Variants in CTNNA3 observed in about 807,000 individuals in gnomAD.
CTNNA3 encodes catenin alpha-3.
A neutral mutation model predicts 95.7 loss-of-function variants in CTNNA3; 76 were observed. The observed-to-expected ratio is 0.79, with a 90% CI of 0.66 to 0.96. The LOEUF (loss-of-function observed/expected upper bound fraction) is 0.96, where lower values mean the gene tolerates loss of function less well. CTNNA3 is among the 40% of genes least tolerant of loss of function. The pLI is 0.00. For missense variants in CTNNA3, 1,191 were observed against 1,089.8 expected (o/e 1.09, Z -1.31); for synonymous variants, 431 against 374.4 (o/e 1.15, Z -1.74).
At chr10:66,896,050 T>C (rs1845476836) in intron 7 of CTNNA3, among the ~76,000 whole-genome samples, 1 of 152,032 alleles carries the variant, frequency 6.6e-6, no homozygotes, top group South Asian at 2.1e-4. Context: ...TGAGCCGAGA[T>C]TGCGCCATTG....
intron 5 of CTNNA3, among the ~76,000 whole-genome samples, chr10:67,474,544 G>A (rs1847935464): frequency 6.6e-6 from 1 of 152,046 alleles, no homozygotes; most frequent in Non-Finnish European, 1.5e-5. Flanking sequence ...AAGCCACCCA[G>A]TCTGAGTTCT....
chr10:67,496,447 TA>T (rs35772958), intron 5 of CTNNA3, among the ~76,000 whole-genome samples: 10,956 of 152,150 alleles, frequency 0.072, 480 homozygotes, highest in South Asian at 0.14. Flanking sequence ...CTTGCCTTTT[TA>T]AAAAAAATCC....
At chr10:66,436,878 A>T (rs11497934) in intron 11 of CTNNA3, among the ~76,000 whole-genome samples, 2 of 151,958 alleles carry the variant, frequency 1.3e-5, no homozygotes, top group Non-Finnish European at 2.9e-5. Context: ...TGTAAGGCAG[A>T]CCTGGTGGTG....
At chr10:66,926,204 C>A in intron 7 of CTNNA3, 1 of 449,366 alleles carries the variant, frequency 2.2e-6, no homozygotes, top group Non-Finnish European at 4.4e-6. Context: ...TCAGGTAGCC[C>A]CAAATTGCCT....
chr10:66,758,589 A>G (rs1352289209), intron 9 of CTNNA3, among the ~76,000 whole-genome samples: 1 of 152,118 alleles, frequency 6.6e-6, no homozygotes, highest in Non-Finnish European at 1.5e-5. Flanking sequence ...TTGGAGGTCA[A>G]TCTGGGGAAG....
At chr10:66,723,999 G>C (rs1264857174) in intron 9 of CTNNA3, among the ~76,000 whole-genome samples, 2 of 152,114 alleles carry the variant, frequency 1.3e-5, no homozygotes, top group East Asian at 3.9e-4. Flanking sequence ...GGCCTGAACA[G>C]AGGAAGTGGA....
intron 17 of CTNNA3, among the ~76,000 whole-genome samples, chr10:65,955,519 A>G (rs549673655): frequency 4.6e-5 from 7 of 152,170 alleles, no homozygotes; most frequent in Admixed American, 3.3e-4. Flanking sequence ...ATATTGGCTG[A>G]GGGTTTGTCA....
intron 13 of CTNNA3, among the ~76,000 whole-genome samples, chr10:66,126,686 G>A (rs1231552576): frequency 1.3e-5 from 2 of 152,244 alleles, no homozygotes; most frequent in East Asian, 3.9e-4. Flanking sequence ...CACTGAAAGA[G>A]TTGTCAATAG....
intron 5 of CTNNA3, among the ~76,000 whole-genome samples, chr10:67,452,808 G>A (rs1017062899): frequency 1.3e-5 from 2 of 152,234 alleles, no homozygotes; most frequent in Non-Finnish European, 2.9e-5. Flanking sequence ...ACAGTAATGT[G>A]TTGTTAAAAT....
chr10:67,662,537 C>T (rs1482494201), intron 1 of CTNNA3, among the ~76,000 whole-genome samples: 1 of 152,148 alleles, frequency 6.6e-6, no homozygotes, highest in Non-Finnish European at 1.5e-5. Context: ...AAAGAATGAA[C>T]CAAGTATACA....
chr10:66,847,961 T>G (rs1194985821), intron 7 of CTNNA3, among the ~76,000 whole-genome samples: 1 of 151,972 alleles, frequency 6.6e-6, no homozygotes, highest in Non-Finnish European at 1.5e-5. Flanking sequence ...ATGAGATAGA[T>G]GGAGAGAAAA....
chr10:66,076,550 T>C (rs2133624474), intron 14 of CTNNA3, among the ~76,000 whole-genome samples: 1 of 151,766 alleles, frequency 6.6e-6, no homozygotes, highest in South Asian at 2.1e-4. Flanking sequence ...TATATTTGCT[T>C]TAATTAGCTC....
intron 5 of CTNNA3, among the ~76,000 whole-genome samples, chr10:67,511,373 A>C (rs568881723): frequency 6.6e-6 from 1 of 152,304 alleles, no homozygotes; most frequent in South Asian, 2.1e-4. Flanking sequence ...ACATTCCATC[A>C]ATACCTAGTT....
intron 15 of CTNNA3, among the ~76,000 whole-genome samples, chr10:66,056,289 T>A (rs1337022307): frequency 6.6e-6 from 1 of 152,204 alleles, no homozygotes; most frequent in Non-Finnish European, 1.5e-5. Flanking sequence ...TTGAAATAAT[T>A]GTATGGTTTG....
chr10:67,725,973 T>C (rs1450719544), intron 1 of CTNNA3, among the ~76,000 whole-genome samples: 1 of 139,378 alleles, frequency 7.2e-6, no homozygotes, highest in African/African-American at 2.6e-5. Flanking sequence ...ATATATGTAA[T>C]ATATACTATA....
intron 5 of CTNNA3, among the ~76,000 whole-genome samples, chr10:67,313,279 A>G (rs1227807205): frequency 2.0e-5 from 3 of 151,612 alleles, no homozygotes; most frequent in African/African-American, 4.9e-5. Context: ...TACTAAAAAT[A>G]AAAAAAAATA....
At chr10:67,080,770 G>A (rs1857007739) in intron 7 of CTNNA3, among the ~76,000 whole-genome samples, 2 of 152,030 alleles carry the variant, frequency 1.3e-5, no homozygotes, top group African/African-American at 4.8e-5. Context: ...TTAGCCCGGC[G>A]TGGTGGCGGG....
intron 16 of CTNNA3, among the ~76,000 whole-genome samples, chr10:65,971,828 T>C (rs2078110341): frequency 6.6e-6 from 1 of 152,112 alleles, no homozygotes; most frequent in East Asian, 1.9e-4. Context: ...AGCATCATCC[T>C]GATAGGAAAA....
At chr10:67,505,449 C>T (rs930681245) in intron 5 of CTNNA3, among the ~76,000 whole-genome samples, 3 of 151,992 alleles carry the variant, frequency 2.0e-5, no homozygotes, top group Non-Finnish European at 4.4e-5. Context: ...ACATTCTGCA[C>T]CAAAAGTACC....
Sources: allele counts gnomAD v4.1 joint callset (sites outside exome capture counted in the v4.1 genomes callset), GRCh38; gene constraint gnomAD v4.1.1; transcripts MANE v1.5; gene names NCBI Gene and HGNC (gene_info 2026-07-23, HGNC 2026-07-21).